OXR1: variants seen among roughly 807,000 people sequenced by gnomAD.
OXR1 encodes oxidation resistance 1.
OXR1 carries 41 observed loss-of-function variants against 104.6 expected under a neutral mutation model. The ratio of observed to expected loss-of-function variants is 0.39; its 90% confidence interval spans 0.31 to 0.51. OXR1 has a LOEUF of 0.51. Among genes scored for constraint, OXR1 ranks in the 20% least tolerant of loss-of-function variants. The pLI is 0.77. For synonymous variants in OXR1, 348 were observed against 348.4 expected (o/e 1.00, Z 0.01); for missense variants, 955 against 1,031.9 (o/e 0.93, Z 1.02).
intron 2 of OXR1, among the ~76,000 whole-genome samples, chr8:106,508,600 A>T (rs1475508109): frequency 1.3e-5 from 2 of 152,240 alleles, no homozygotes; most frequent in African/African-American, 4.8e-5. Flanking sequence ...GTACATTTTT[A>T]AAAACCACAA....
At chr8:106,632,045 T>C (rs766079691) in intron 3 of OXR1, among the ~76,000 whole-genome samples, 1 of 152,144 alleles carries the variant, frequency 6.6e-6, no homozygotes, top group Admixed American at 6.5e-5. Flanking sequence ...TGTATACTCA[T>C]TGAGAAAATG....
At chr8:106,602,176 C>T (rs1036761989) in intron 3 of OXR1, among the ~76,000 whole-genome samples, 4 of 152,278 alleles carry the variant, frequency 2.6e-5, no homozygotes, top group African/African-American at 7.2e-5. Flanking sequence ...CCCACAAAAC[C>T]GTGGGTAGTA....
chr8:106,460,462 T>A (rs1820843248), intron 2 of OXR1, among the ~76,000 whole-genome samples: 1 of 152,184 alleles, frequency 6.6e-6, no homozygotes, highest in Admixed American at 6.5e-5. Flanking sequence ...TACTTCCTAC[T>A]ATTCCATTGC....
intron 3 of OXR1, among the ~76,000 whole-genome samples, chr8:106,663,174 T>C (rs1448607983): frequency 6.6e-6 from 1 of 152,206 alleles, no homozygotes; most frequent in Non-Finnish European, 1.5e-5. Flanking sequence ...CAAAAGTTTT[T>C]TATTTAATCC....
intron 14 of OXR1, among the ~76,000 whole-genome samples, chr8:106,741,811 T>C (rs1834941266): frequency 6.6e-6 from 1 of 151,996 alleles, no homozygotes; most frequent in Non-Finnish European, 1.5e-5. Context: ...AAAGAAAAAA[T>C]ATCATATTTT....
intron 2 of OXR1, among the ~76,000 whole-genome samples, chr8:106,427,590 G>C (rs1366910965): frequency 1.3e-5 from 2 of 152,186 alleles, no homozygotes; most frequent in Non-Finnish European, 2.9e-5. Context: ...ATTGTGACAT[G>C]ATTGTGGCTG....
chr8:106,517,507 C>G lies in OXR1; in HGVS notation c.24-1436C>G, dbSNP rs116441216. Among the ~76,000 whole-genome samples the G allele has an allele frequency of 6.2e-3, 941 of 152,162 alleles. 11 individuals carry two copies. The highest frequency in any genetic ancestry group is 0.021 in the African/African-American group (889 of 41,540). Reference sequence around the variant, plus strand: ...TTTGGTTAACACATAAAAATACATGCCTTGAACTTCATTCAAAAATATATT... The same window carrying G: ...TTTGGTTAACACATAAAAATACATGGCTTGAACTTCATTCAAAAATATATT... On this transcript the variant is annotated intron_variant, in intron 2 of 16. Coordinates refer to ENST00000517566, the MANE Select transcript of OXR1 (RefSeq NM_001198533.2).
intron 2 of OXR1, among the ~76,000 whole-genome samples, chr8:106,491,617 A>G (rs1453226): frequency 0.63 from 95,754 of 151,976 alleles, 31,095 homozygotes; most frequent in Non-Finnish European, 0.72. Context: ...GAAAGCAAGC[A>G]GTGGCTAGTT....
intron 3 of OXR1, among the ~76,000 whole-genome samples, chr8:106,558,045 T>C (rs1816412188): frequency 6.6e-6 from 1 of 152,204 alleles, no homozygotes; most frequent in Non-Finnish European, 1.5e-5. Context: ...GCTTTACCAC[T>C]GAGTAGATTT....
At position 106,436,064 on chromosome 8, in the gene OXR1, T is replaced by A. The variant is rs190085388; in HGVS notation, c.23+76428T>A. Among the ~76,000 whole-genome samples the A allele has an allele frequency of 1.1e-4, 16 of 152,138 alleles. No individual in the cohort carries two copies. In the East Asian group the frequency reaches 2.9e-3, roughly 28 times the overall value. Reference sequence around the variant, plus strand: ...TCCAAGGAGAAATTTAAAATAATCATCTCTTTTAGTCTAAAAACAAAAACA... The same window carrying A: ...TCCAAGGAGAAATTTAAAATAATCAACTCTTTTAGTCTAAAAACAAAAACA... On this transcript the variant is annotated intron_variant, in intron 2 of 16. Transcript: ENST00000517566.
At chr8:106,684,070 G>A (rs370455486) in intron 5 of OXR1, among the ~76,000 whole-genome samples, 176 bp from the exon 6 acceptor site, 74 of 152,062 alleles carry the variant, frequency 4.9e-4, no homozygotes, top group African/African-American at 1.7e-3. Context: ...ATTATCAAAT[G>A]TGTCTAAACT....
Position 106,707,187 on chromosome 8 carries a change from A to G in OXR1, c.1624+42A>G, listed in dbSNP as rs773633406. On this transcript the variant is annotated intron_variant, in intron 9 of 16. Transcript: ENST00000517566. ...AAATGAAGTTAGTTCATCCAATTGT[A>G]TGGTGTCTCCGTCTTTCCTCACTGA... 3.2e-6 allele frequency: 5 copies of G among 1,575,504 alleles called. No individual in the cohort carries two copies. The East Asian group carries it at 6.7e-5, about 21-fold the overall frequency.
intron 3 of OXR1, among the ~76,000 whole-genome samples, chr8:106,596,270 ACT>A (rs1819520292): frequency 6.6e-6 from 1 of 152,006 alleles, no homozygotes; most frequent in South Asian, 2.1e-4. Flanking sequence ...ACATGGGGAA[ACT>A]CTGTCTCTAC....
At position 106,516,598 on chromosome 8, in the gene OXR1, C is replaced by A. The variant is rs577515087; in HGVS notation, c.24-2345C>A. On this transcript the variant is annotated intron_variant, in intron 2 of 16. Coordinates refer to ENST00000517566, the MANE Select transcript of OXR1 (RefSeq NM_001198533.2). ...AAATGTCACTCTACTCTGTCAGTTT[C>A]TAGGAGTCTGGAATGAAAAGAGCTT... is the stretch of plus-strand genomic sequence containing the variant. 1.3e-3 allele frequency among the ~76,000 whole-genome samples: 196 copies of A among 152,238 alleles called. 1 individual carries two copies. Among genetic ancestry groups the A allele is most frequent in the Middle Eastern group, 6.8e-3 (2 of 294 alleles).
Position 106,714,326 on chromosome 8 carries a change from C to A in OXR1, c.1956+341C>A, listed in dbSNP as rs914132839. Among the ~76,000 whole-genome samples, 3 of 151,974 alleles carry A rather than the reference C, an allele frequency of 2.0e-5. No homozygotes were observed. In the South Asian group the frequency reaches 6.2e-4, roughly 32 times the overall value. ...TGTTATATTAATTTTCATAAAACAT[C>A]GATTTCACATCTGATTTGTTTTAAT... is the stretch of plus-strand genomic sequence containing the variant. On this transcript the variant is annotated intron_variant, in intron 11 of 16. Transcript: ENST00000517566.
At position 106,706,923 on chromosome 8, in the gene OXR1, A is replaced by G. The variant is rs755597210; in HGVS notation, c.1402A>G (p.Met468Val). ...LHQEESQKEN[M>V]PCGETAEFKQ... Reference sequence around the variant, plus strand: ...CCAAGAAGAGAGTCAAAAAGAAAATATGCCTTGTGGGGAAACAGCAGAATT... The same window carrying G: ...CCAAGAAGAGAGTCAAAAAGAAAATGTGCCTTGTGGGGAAACAGCAGAATT... Residue 468 changes from methionine (M) to valine (V), a missense_variant, in exon 9 of 17, where the codon ATG (methionine) becomes GTG (valine). By Grantham distance (21) the Met-to-Val change is conservative. Coordinates refer to ENST00000517566, the MANE Select transcript of OXR1 (RefSeq NM_001198533.2). 3 of 1,612,532 alleles carry G rather than the reference A, an allele frequency of 1.9e-6. No homozygotes were observed. Among genetic ancestry groups the G allele is most frequent in the Admixed American group, 1.7e-5 (1 of 59,588 alleles).
intron 3 of OXR1, among the ~76,000 whole-genome samples, chr8:106,618,742 C>T (rs1821444846): frequency 6.6e-6 from 1 of 152,176 alleles, no homozygotes; most frequent in African/African-American, 2.4e-5. Flanking sequence ...ACTTGTAATT[C>T]ATTTCATTAA....
chr8:106,404,068 G>A (rs1293707928), intron 2 of OXR1, among the ~76,000 whole-genome samples: 5 of 152,172 alleles, frequency 3.3e-5, no homozygotes, highest in African/African-American at 4.8e-5. Context: ...CTCAGACAAA[G>A]TGGTATAGGG....
intron 3 of OXR1, among the ~76,000 whole-genome samples, chr8:106,521,963 A>G (rs1169113841): frequency 1.3e-5 from 2 of 152,226 alleles, no homozygotes; most frequent in Non-Finnish European, 1.5e-5. Flanking sequence ...ATCTCAGTTT[A>G]GAGTTTATAC....
Sources: allele counts gnomAD v4.1 joint callset (sites outside exome capture counted in the v4.1 genomes callset), GRCh38; gene constraint gnomAD v4.1.1; transcripts MANE v1.5; gene names NCBI Gene and HGNC (gene_info 2026-07-23, HGNC 2026-07-21).